Variants in XKR6 observed in about 807,000 individuals in gnomAD.
XKR6 encodes XK related 6.
In XKR6, 22 loss-of-function variants were observed where a neutral mutation model predicts 56.7. That is an observed-to-expected ratio of 0.39 (90% CI 0.28 to 0.55). The LOEUF (loss-of-function observed/expected upper bound fraction) is 0.55, where lower values mean the gene tolerates loss of function less well. Among genes scored for constraint, XKR6 ranks in the 20% least tolerant of loss-of-function variants. The pLI is 0.66. For missense variants in XKR6, 852 were observed against 889.0 expected, an observed-to-expected ratio of 0.96 and a Z score of 0.53; for synonymous variants, 524 against 387.8, an observed-to-expected ratio of 1.35 and a Z score of -4.13.
chr8:10,902,574 G>T (rs1226007869), intron 2 of XKR6, among the ~76,000 whole-genome samples: 1 of 152,186 alleles, frequency 6.6e-6, no homozygotes, highest in Non-Finnish European at 1.5e-5. Flanking sequence ...AAGATCCTTT[G>T]TACTAAAGGT....
intron 1 of XKR6, among the ~76,000 whole-genome samples, chr8:11,120,588 T>A (rs1799402514): frequency 6.6e-6 from 1 of 152,154 alleles, no homozygotes; most frequent in South Asian, 2.1e-4. Flanking sequence ...GAAGAATCAA[T>A]ATCGTGAAAA....
At position 10,972,885 on chromosome 8, in the gene XKR6, G is replaced by T. The variant is rs1321455917; in HGVS notation, c.765-48055C>A. On this transcript the variant is annotated intron_variant, in intron 1 of 2. Coordinates refer to ENST00000416569, the MANE Select transcript of XKR6 (RefSeq NM_173683.4). ...CAATTTTATACTGTGTATATTTTACGATAATGAAAACATTTTTTTAAAGAG... is the reference window on the plus strand; with the variant it reads ...CAATTTTATACTGTGTATATTTTACTATAATGAAAACATTTTTTTAAAGAG... Among the ~76,000 whole-genome samples, 7 of 152,172 alleles carry T rather than the reference G, an allele frequency of 4.6e-5. No individual in the cohort carries two copies. The East Asian group carries it at 1.3e-3, about 29-fold the overall frequency.
intron 1 of XKR6, among the ~76,000 whole-genome samples, chr8:11,133,333 A>G (rs1800212421): frequency 6.6e-6 from 1 of 152,146 alleles, no homozygotes; most frequent in Admixed American, 6.6e-5. Flanking sequence ...AGTGCACTGT[A>G]GCAATAATCG....
At chr8:11,189,994 T>A (rs185669469) in intron 1 of XKR6, among the ~76,000 whole-genome samples, 5 of 152,152 alleles carry the variant, frequency 3.3e-5, no homozygotes, top group Non-Finnish European at 7.4e-5. Context: ...CTTTCTCTAC[T>A]AAAAGTACAA....
intron 1 of XKR6, among the ~76,000 whole-genome samples, chr8:11,061,628 G>A (rs1391324140): frequency 6.6e-6 from 1 of 152,076 alleles, no homozygotes; most frequent in Non-Finnish European, 1.5e-5. Context: ...CATTCAACAT[G>A]CCCTGAAAGA....
chr8:11,095,078 G>C (rs1344216664), intron 1 of XKR6, among the ~76,000 whole-genome samples: 1 of 152,154 alleles, frequency 6.6e-6, no homozygotes, highest in Admixed American at 6.5e-5. Flanking sequence ...TGATACAAAG[G>C]CAAATTTCCT....
At chr8:10,905,334 C>T (rs552311956) in intron 2 of XKR6, among the ~76,000 whole-genome samples, 37 of 152,300 alleles carry the variant, frequency 2.4e-4, no homozygotes, top group African/African-American at 7.7e-4. Flanking sequence ...GTGTGACAGT[C>T]GGGATTGGGA....
rs1799944070 is a variant in XKR6, at chr8:10,898,299, C to T, written c.1579G>A (p.Glu527Lys). The change falls in exon 3 of 3, where the codon GAG becomes AAG. Residue 527 changes from glutamate to lysine, a missense_variant. Around this residue, in one of 4 missense-constraint regions of XKR6, gnomAD observed 197 missense variants for 190.9 expected, o/e 1.03. Coordinates refer to ENST00000416569, the MANE Select transcript of XKR6 (RefSeq NM_173683.4). This position sits in a 1 kb window ranked among gnomAD's most constrained non-coding sequence, Gnocchi z 6.6. ...CCAGGGATCTCAGGCGCCATGGGCT[C>T]AACATCGGGGGGCAAAGGGATGCCC... is the stretch of plus-strand genomic sequence containing the variant. ...LWGIPLPPDV[E>K]PMAPEIPGYR... The T allele has an allele frequency of 6.2e-7, 1 of 1,614,042 alleles. No individual in the cohort carries two copies. The highest frequency in any genetic ancestry group is 1.1e-5 in the South Asian group (1 of 91,070).
intron 1 of XKR6, among the ~76,000 whole-genome samples, chr8:11,095,033 A>T (rs1798223310): frequency 1.3e-5 from 2 of 152,238 alleles, no homozygotes. Context: ...GTACCTCTGA[A>T]CTTAAAGTAA....
At chr8:11,046,869 T>C (rs1247691223) in intron 1 of XKR6, among the ~76,000 whole-genome samples, 2 of 152,156 alleles carry the variant, frequency 1.3e-5, no homozygotes, top group African/African-American at 2.4e-5. Flanking sequence ...CTGGAGGACA[T>C]TATGCTAAGT....
intron 1 of XKR6, among the ~76,000 whole-genome samples, chr8:11,034,099 C>A (rs1392900096): frequency 6.6e-6 from 1 of 152,122 alleles, no homozygotes; most frequent in African/African-American, 2.4e-5. Flanking sequence ...GAGAAAAAAA[C>A]AAATCACATA....
chr8:10,914,765 C>G (rs143627030), intron 2 of XKR6, among the ~76,000 whole-genome samples: 1 of 151,054 alleles, frequency 6.6e-6, no homozygotes, highest in African/African-American at 2.4e-5. Context: ...TGGTAAGACC[C>G]TGGGGCAGGC....
At chr8:11,194,053 T>A (rs1385631086) in intron 1 of XKR6, among the ~76,000 whole-genome samples, 1 of 152,148 alleles carries the variant, frequency 6.6e-6, no homozygotes, top group African/African-American at 2.4e-5. Context: ...GTTTAATAAG[T>A]CAAAACAATC....
intron 1 of XKR6, among the ~76,000 whole-genome samples, chr8:11,129,594 T>A (rs1043103995): frequency 1.3e-5 from 2 of 152,206 alleles, no homozygotes; most frequent in African/African-American, 4.8e-5. Flanking sequence ...CAGAATACCA[T>A]GCGCTGTTAA....
intron 1 of XKR6, among the ~76,000 whole-genome samples, chr8:11,178,573 T>TATATATATATAC (rs55691073): frequency 7.1e-6 from 1 of 141,812 alleles, no homozygotes; most frequent in Admixed American, 7.3e-5. Flanking sequence ...TATATATATA[T>TATATATATATAC]GTATATATAT....
chr8:11,098,109 C>A (rs1413056222), intron 1 of XKR6, among the ~76,000 whole-genome samples: 1 of 152,126 alleles, frequency 6.6e-6, no homozygotes, highest in Admixed American at 6.5e-5. Flanking sequence ...ACCAGCAGCA[C>A]TGGCTTCGAC....
intron 1 of XKR6, among the ~76,000 whole-genome samples, chr8:11,159,763 G>A (rs1460764326): frequency 5.3e-5 from 8 of 152,186 alleles, no homozygotes; most frequent in Non-Finnish European, 2.9e-5. Context: ...TAGAAATGGG[G>A]TATACAACAA....
chr8:11,006,278 G>A (rs1281881835), intron 1 of XKR6, among the ~76,000 whole-genome samples: 4 of 152,328 alleles, frequency 2.6e-5, no homozygotes, highest in African/African-American at 9.6e-5. Flanking sequence ...GGCCTAGTAG[G>A]ACACTGATTC....
At chr8:11,122,934 T>C (rs1175746344) in intron 1 of XKR6, among the ~76,000 whole-genome samples, 1 of 152,094 alleles carries the variant, frequency 6.6e-6, no homozygotes, top group Non-Finnish European at 1.5e-5. Context: ...AAAATTTAAG[T>C]GATTAAAAAG....
Sources: gnomAD v4.1 joint callset for allele counts (sites outside exome capture counted in the v4.1 genomes callset) on GRCh38, gnomAD v4.1.1 for gene constraint, gnomAD v4.1.1 regional missense constraint, Gnocchi (gnomAD v3.1) non-coding constraint, MANE v1.5 for transcripts, NCBI Gene and HGNC (gene_info 2026-07-23, HGNC 2026-07-21) for gene names.